The following SEC24D variants were observed in gnomAD, a reference collection of about 807,000 sequenced individuals.
The protein encoded by SEC24D is protein transport protein Sec24D.
SEC24D carries 69 observed loss-of-function variants against 116.9 expected under a neutral mutation model. The observed-to-expected ratio is 0.59, with a 90% CI of 0.49 to 0.72. SEC24D has a LOEUF of 0.72. SEC24D is among the 30% of genes least tolerant of loss of function. SEC24D has a pLI of 0.00. For synonymous variants in SEC24D, 405 were observed against 442.8 expected (o/e 0.91, Z 1.07); for missense variants, 1,131 against 1,264.1 (o/e 0.89, Z 1.60).
At chr4:118,730,849 T>C in intron 21 of SEC24D, 1 of 157,608 alleles carries the variant, frequency 6.3e-6, no homozygotes, top group Non-Finnish European at 1.4e-5. Context: ...GAAAGATTTC[T>C]ACATTCTTCT....
chr4:118,749,576 T>C (rs1369020186), intron 13 of SEC24D, among the ~76,000 whole-genome samples: 1 of 152,226 alleles, frequency 6.6e-6, no homozygotes, highest in Non-Finnish European at 1.5e-5. Context: ...GACTCTCATC[T>C]CTGGTCTTCC....
intron 3 of SEC24D, among the ~76,000 whole-genome samples, chr4:118,819,803 A>C (rs1451913168): frequency 6.6e-6 from 1 of 152,206 alleles, no homozygotes; most frequent in African/African-American, 2.4e-5. Flanking sequence ...GTAGGACAAA[A>C]TATATTTCAA....
chr4:118,830,356 A>G (rs553782556), intron 2 of SEC24D, among the ~76,000 whole-genome samples: 2 of 152,342 alleles, frequency 1.3e-5, no homozygotes, highest in Admixed American at 1.3e-4. Flanking sequence ...TGAGCTGAGG[A>G]GTTCAAGACC....
chr4:118,739,388 T>C, intron 17 of SEC24D, 101 bp from the exon 18 acceptor site: 1 of 1,043,908 alleles, frequency 9.6e-7, no homozygotes, highest in Non-Finnish European at 1.4e-6. Context: ...TACAGATAGA[T>C]AAAAGACCTC....
chr4:118,828,293 T>C (rs1730675021), intron 2 of SEC24D, among the ~76,000 whole-genome samples: 1 of 152,072 alleles, frequency 6.6e-6, no homozygotes, highest in South Asian at 2.1e-4. Context: ...GCGTTTTTAG[T>C]AGAGACGGCG....
At chr4:118,733,206 G>C (rs1286591924) in intron 19 of SEC24D, 3 of 218,406 alleles carry the variant, frequency 1.4e-5, no homozygotes, top group Non-Finnish European at 1.8e-5. Flanking sequence ...GCAGGTGTGT[G>C]ACCCTGGGCA....
intron 8 of SEC24D, among the ~76,000 whole-genome samples, chr4:118,773,148 T>C (rs1340673127): frequency 6.6e-6 from 1 of 152,200 alleles, no homozygotes; most frequent in Non-Finnish European, 1.5e-5. Context: ...CCCCTTTTTT[T>C]TCTCTCTTTA....
At chr4:118,728,177 G>A (rs1181812371) in intron 22 of SEC24D, among the ~76,000 whole-genome samples, 1 of 152,200 alleles carries the variant, frequency 6.6e-6, no homozygotes, top group Non-Finnish European at 1.5e-5. Flanking sequence ...AAACTTTTCA[G>A]AGATTATAAA....
chr4:118,736,611 G>A, intron 19 of SEC24D: 1 of 274,350 alleles, frequency 3.6e-6, no homozygotes. Flanking sequence ...TTTCTGAAGA[G>A]AACATTAAGT....
intron 20 of SEC24D, among the ~76,000 whole-genome samples, chr4:118,732,194 G>A (rs966637128): frequency 5.3e-5 from 8 of 151,984 alleles, no homozygotes; most frequent in African/African-American, 1.9e-4. Context: ...CAGGCTGGAG[G>A]CACTATCTCG....
At chr4:118,790,559 TGTG>T (rs1471497904) in intron 8 of SEC24D, among the ~76,000 whole-genome samples, 1 of 152,172 alleles carries the variant, frequency 6.6e-6, no homozygotes, top group Non-Finnish European at 1.5e-5. Flanking sequence ...TTATACTGGC[TGTG>T]GGGATGGGTT....
chr4:118,790,657 A>G (rs1409473846), intron 8 of SEC24D, among the ~76,000 whole-genome samples: 2 of 152,056 alleles, frequency 1.3e-5, no homozygotes, highest in African/African-American at 4.8e-5. Flanking sequence ...CCCTGGAAAT[A>G]GCAAACATCT....
chr4:118,739,046 C>T, intron 18 of SEC24D, 103 bp downstream of exon 18: 1 of 1,049,506 alleles, frequency 9.5e-7, no homozygotes, highest in Non-Finnish European at 1.4e-6. Context: ...TCTGAATTTA[C>T]CCACCATAAG....
At chr4:118,784,933 T>A (rs1728603291) in intron 8 of SEC24D, among the ~76,000 whole-genome samples, 1 of 152,174 alleles carries the variant, frequency 6.6e-6, no homozygotes, top group Non-Finnish European at 1.5e-5. Flanking sequence ...CAGCTGTTTT[T>A]ATCTGTTGGC....
At position 118,740,990 on chromosome 4, in the gene SEC24D, A is replaced by G. The variant is rs1339366438; in HGVS notation, c.2043T>C (p.Ile681=). 3 of 1,594,982 alleles carry G rather than the reference A, an allele frequency of 1.9e-6. No homozygotes were observed. The highest frequency in any genetic ancestry group is 2.3e-5 in the South Asian group (2 of 88,794). ...TAGCATCAAAGCCTATTTTCTTTTC[A>G]ATATCATTTCTGAGGTCGTTCAAAA... ...QQFLNDLRND[I]EKKIGFDAIM... Residue 681 remains isoleucine (I), a synonymous_variant, in exon 16 of 23, where the codon ATT becomes ATC. Coordinates refer to ENST00000280551, the MANE Select transcript of SEC24D (RefSeq NM_014822.4).
At chr4:118,800,334 G>A (rs570837288) in intron 7 of SEC24D, among the ~76,000 whole-genome samples, 2 of 152,262 alleles carry the variant, frequency 1.3e-5, no homozygotes, top group South Asian at 4.1e-4. Flanking sequence ...ATTGTGGCGG[G>A]GTTGTGAGCC....
At chr4:118,762,039 T>A (rs572717091) in intron 10 of SEC24D, among the ~76,000 whole-genome samples, 56 of 152,154 alleles carry the variant, frequency 3.7e-4, no homozygotes, top group African/African-American at 1.3e-3. Context: ...ACCTTAGACA[T>A]GTTAGGCATC....
intron 10 of SEC24D, among the ~76,000 whole-genome samples, chr4:118,761,846 A>G (rs545367100): frequency 3.9e-5 from 6 of 152,290 alleles, no homozygotes; most frequent in African/African-American, 7.2e-5. Context: ...CACTTCCTCT[A>G]TGAAGCCTTC....
chr4:118,828,344 C>T (rs1416012136), intron 2 of SEC24D, among the ~76,000 whole-genome samples: 1 of 152,090 alleles, frequency 6.6e-6, no homozygotes, highest in African/African-American at 2.4e-5. Context: ...CTCCTGACCT[C>T]GTGATCTGCC....
Sources: gnomAD v4.1 joint callset for allele counts (sites outside exome capture counted in the v4.1 genomes callset) on GRCh38, gnomAD v4.1.1 for gene constraint, MANE v1.5 for transcripts, NCBI Gene and HGNC (gene_info 2026-07-23, HGNC 2026-07-21) for gene names.